MLYCD: variants seen among roughly 807,000 people sequenced by gnomAD.
The protein encoded by MLYCD is malonyl-CoA decarboxylase.
MLYCD carries 27 observed loss-of-function variants against 35.8 expected under a neutral mutation model. The ratio of observed to expected loss-of-function variants is 0.75; its 90% CI spans 0.56 to 1.04. MLYCD has a LOEUF of 1.04. Among genes scored for constraint, MLYCD ranks in the 50% least tolerant of loss-of-function variants. MLYCD has a pLI of 0.00. For missense variants in MLYCD, 917 were observed against 665.1 expected, an observed-to-expected ratio of 1.38 and a Z score of -4.17; for synonymous variants, 403 against 302.4, an observed-to-expected ratio of 1.33 and a Z score of -3.45.
In MLYCD at chr16:83,917,068, G is replaced by C. The variant is rs573263132; in HGVS notation, c.*1579G>C. 6.0e-5 allele frequency: 3 copies of C among 50,404 alleles called. No homozygotes were observed. Among genetic ancestry groups the C allele is most frequent in the African/African-American group, 2.1e-4 (3 of 14,630 alleles). 3.1% of individuals were successfully genotyped at this position (50,404 alleles called of 1,614,324 possible). A position where few individuals can be genotyped will look rare whatever the true frequency, so the allele number is the denominator to read the frequency against. ...AGCGTCTCTGTGTGGATCAGTGCAC[G>C]TCTGTGTGCGTGTGCACGAGCGTCT... On this transcript the variant is annotated 3_prime_UTR_variant, in exon 5 of 5. Transcript: ENST00000262430.
chr16:83,916,766 G>A lies in MLYCD; in HGVS notation c.*1277G>A, dbSNP rs534369198. ...AGCGTCTCTGTGTGGATCAGTGCAC[G>A]TCTGTGTGCATGTGCACGAGCGTTC... On this transcript the variant is annotated 3_prime_UTR_variant, in exon 5 of 5. Transcript: ENST00000262430. The A allele has an allele frequency of 9.8e-5, 13 of 132,178 alleles. No individual in the cohort carries two copies. The highest frequency in any genetic ancestry group is 3.2e-4 in the African/African-American group (11 of 34,160). The allele number at this position is 132,178 out of a possible 1,614,324, so 8.2% of individuals were successfully genotyped here. A position where few individuals can be genotyped will look rare whatever the true frequency, so the allele number is the denominator to read the frequency against.
chr16:83,920,906 A>G lies in MLYCD; in HGVS notation c.*5417A>G, dbSNP rs1283779062. 1 of 116,496 alleles carries G rather than the reference A, an allele frequency of 8.6e-6. No individual in the cohort carries two copies. Among genetic ancestry groups the G allele is most frequent in the African/African-American group, 3.3e-5 (1 of 30,308 alleles). 7.2% of individuals were successfully genotyped at this position (116,496 alleles called of 1,614,324 possible). A position where few individuals can be genotyped will look rare whatever the true frequency, so the allele number is the denominator to read the frequency against. ...GGATGGATGGAAGGAAGGAAGATGG[A>G]TGGATGGATGGATGGATGGATGGAT... On this transcript the variant is annotated 3_prime_UTR_variant, in exon 5 of 5. Transcript: ENST00000262430.
Position 83,920,932 on chromosome 16 carries a change from G to GGATGACA in MLYCD, c.*5447_*5448insACAGATG, listed in dbSNP as rs1555540229. 1.5e-3 allele frequency: 222 copies of GGATGACA among 150,862 alleles called. No homozygotes were observed. The highest frequency in any genetic ancestry group is 4.9e-3 in the African/African-American group (202 of 40,890). 9.3% of individuals were successfully genotyped at this position (150,862 alleles called of 1,614,324 possible). A position where few individuals can be genotyped will look rare whatever the true frequency, so the allele number is the denominator to read the frequency against. On this transcript the variant is annotated 3_prime_UTR_variant, in exon 5 of 5. Transcript: ENST00000262430. ...TGGATGGATGGATGGATGGATGGAT[G>GGATGACA]GATGGATGGATGACAGATGGATGGT...
At position 83,915,646 on chromosome 16, in the gene MLYCD, C is replaced by A; in HGVS notation, c.*157C>A. The A allele has an allele frequency of 6.6e-7, 1 of 1,512,106 alleles. No homozygotes were observed. Among genetic ancestry groups the A allele is most frequent in the Non-Finnish European group, 8.8e-7 (1 of 1,133,802 alleles). 93.7% of individuals were successfully genotyped at this position (1,512,106 alleles called of 1,614,324 possible). A position where few individuals can be genotyped will look rare whatever the true frequency, so the allele number is the denominator to read the frequency against. Reference sequence around the variant, plus strand: ...TCCACACTGTGAGGCCAGGCCTCAACTTCCCTCACCCTGGGCGTGACATGC... The same window carrying A: ...TCCACACTGTGAGGCCAGGCCTCAAATTCCCTCACCCTGGGCGTGACATGC... On this transcript the variant is annotated 3_prime_UTR_variant, in exon 5 of 5. Transcript: ENST00000262430.
At chr16:83,912,927 CAT>C (rs1363386483) in intron 4 of MLYCD, 1 of 180,664 alleles carries the variant, frequency 5.5e-6, no homozygotes, top group African/African-American at 2.4e-5. Context: ...CTGTGAAAAA[CAT>C]ATTAACCATC....
chr16:83,901,023 A>G (rs991659409), intron 1 of MLYCD, among the ~76,000 whole-genome samples: 32 of 152,228 alleles, frequency 2.1e-4, no homozygotes, highest in Admixed American at 1.3e-4. Context: ...AAAATTGGGC[A>G]TAATTAAGTA....
intron 1 of MLYCD, among the ~76,000 whole-genome samples, chr16:83,906,517 G>A (rs1309505451): frequency 2.0e-5 from 3 of 152,224 alleles, no homozygotes; most frequent in Admixed American, 6.5e-5. Context: ...CCTGAACCAA[G>A]TACTTGTCTT....
chr16:83,910,850 C>T (rs542204024), intron 3 of MLYCD, among the ~76,000 whole-genome samples: 1 of 152,224 alleles, frequency 6.6e-6, no homozygotes, highest in South Asian at 2.1e-4. Context: ...CTCCCCCTTT[C>T]CTCACAGCAG....
rs780790973 is a variant in MLYCD, at chr16:83,923,228, G to A, written c.*7739G>A. On this transcript the variant is annotated 3_prime_UTR_variant, in exon 5 of 5. Transcript: ENST00000262430. ...AGAAGTGAGGGAATCTCAGTGCTCT[G>A]TGCAGGCATGTGCTTATTCTGAGCT... is the stretch of plus-strand genomic sequence containing the variant. 6.6e-6 allele frequency: 1 copy of A among 152,254 alleles called. No homozygotes were observed. Among genetic ancestry groups the A allele is most frequent in the Non-Finnish European group, 1.5e-5 (1 of 68,058 alleles). The allele number at this position is 152,254 out of a possible 1,614,324, so 9.4% of individuals were successfully genotyped here.
In MLYCD at chr16:83,919,727, C is replaced by CAGACCACACGGGGCACAGG. The variant is rs1907583562; in HGVS notation, c.*4241_*4242insCCACACGGGGCACAGGAGA. 1 of 135,316 alleles carries CAGACCACACGGGGCACAGG rather than the reference C, an allele frequency of 7.4e-6. No individual in the cohort carries two copies. The highest frequency in any genetic ancestry group is 3.6e-5 in the African/African-American group (1 of 27,916). 8.4% of individuals were successfully genotyped at this position (135,316 alleles called of 1,614,324 possible). On this transcript the variant is annotated 3_prime_UTR_variant, in exon 5 of 5. Coordinates refer to ENST00000262430, the MANE Select transcript of MLYCD (RefSeq NM_012213.3). ...GGGGCACAGGAGAACACACAGTGCA[C>CAGACCACACGGGGCACAGG]AGAACACACAGTGCACAGAACACAC... is the stretch of plus-strand genomic sequence containing the variant.
intron 4 of MLYCD, chr16:83,913,507 C>G (rs911088161): frequency 1.3e-5 from 2 of 152,324 alleles, no homozygotes; most frequent in South Asian, 2.1e-4. Flanking sequence ...AATGGCCCCT[C>G]TGCGTGGAGG....
chr16:83,900,825 AAC>A (rs1412063228), intron 1 of MLYCD, among the ~76,000 whole-genome samples: 26 of 152,308 alleles, frequency 1.7e-4, no homozygotes, highest in African/African-American at 6.0e-4. Context: ...CGTGGGTGAT[AAC>A]ACGTATCCCT....
chr16:83,904,738 A>G (rs780877393), intron 1 of MLYCD, among the ~76,000 whole-genome samples: 6 of 152,212 alleles, frequency 3.9e-5, no homozygotes, highest in African/African-American at 1.2e-4. Context: ...TCCGTTTTCA[A>G]ACAGCTCCGT....
chr16:83,911,281 A>G (rs568242650), intron 3 of MLYCD, among the ~76,000 whole-genome samples: 1 of 152,358 alleles, frequency 6.6e-6, no homozygotes, highest in Non-Finnish European at 1.5e-5. Context: ...CCCGGCCTCC[A>G]TACAATTTCA....
Position 83,899,166 on chromosome 16 carries a change from T to C in MLYCD, c.22T>C (p.Leu8=), listed in dbSNP as rs1269451886. 4 of 1,161,488 alleles carry C rather than the reference T, an allele frequency of 3.4e-6. No homozygotes were observed. The highest frequency in any genetic ancestry group is 3.3e-5 in the African/African-American group (2 of 60,912). 71.9% of individuals were successfully genotyped at this position (1,161,488 alleles called of 1,614,324 possible). A position where few individuals can be genotyped will look rare whatever the true frequency, so the allele number is the denominator to read the frequency against. Residue 8 remains leucine, a synonymous_variant, in exon 1 of 5, where the codon TTG becomes CTG. Transcript: ENST00000262430. MRGFGPG[L]TARRLLPLRL... ...CACCATGCGAGGCTTCGGGCCAGGC[T>C]TGACGGCCAGGCGTCTCCTCCCGCT...
In MLYCD at chr16:83,907,019, A is replaced by G. The variant is rs1459488148; in HGVS notation, c.561A>G (p.Ser187=). 1.9e-6 allele frequency: 3 copies of G among 1,614,190 alleles called. No individual in the cohort carries two copies. The highest frequency in any genetic ancestry group is 4.5e-5 in the East Asian group (2 of 44,866). The change falls in exon 2 of 5, where the codon TCA becomes TCG. Residue 187 remains serine (S), a synonymous_variant. Transcript: ENST00000262430. Reference sequence around the variant, plus strand: ...ATGGGGTGCTGAAAGGAATGCTCTCAGAATGGTTTTCCTCCGGGTTCCTGA... The same window carrying G: ...ATGGGGTGCTGAAAGGAATGCTCTCGGAATGGTTTTCCTCCGGGTTCCTGA... ...EMNGVLKGML[S]EWFSSGFLNL...
At chr16:83,908,347 T>C (rs1346247484) in intron 3 of MLYCD, 65 bp downstream of exon 3, 2 of 1,567,678 alleles carry the variant, frequency 1.3e-6, no homozygotes, top group East Asian at 2.2e-5. Flanking sequence ...TTTTTTGTTT[T>C]GTTTTGTTTT....
At chr16:83,901,780 A>G (rs1016056375) in intron 1 of MLYCD, among the ~76,000 whole-genome samples, 4 of 152,248 alleles carry the variant, frequency 2.6e-5, no homozygotes, top group African/African-American at 9.6e-5. Context: ...GAGGCTGCTG[A>G]GTCCTTAGAC....
rs1263135101 is a variant in MLYCD at position 83,925,302 on chromosome 16, A to G, written c.*9813A>G. 6.6e-6 allele frequency: 1 copy of G among 152,064 alleles called. No homozygotes were observed. The highest frequency in any genetic ancestry group is 2.4e-5 in the African/African-American group (1 of 41,248). 9.4% of individuals were successfully genotyped at this position (152,064 alleles called of 1,614,324 possible). On this transcript the variant is annotated 3_prime_UTR_variant, in exon 5 of 5. Transcript: ENST00000262430. Reference sequence around the variant, plus strand: ...TTCCTTCCTGGCGAGGCCACCTCCAACTGTGTAACACAGAAGCCTGGGTGC... The same window carrying G: ...TTCCTTCCTGGCGAGGCCACCTCCAGCTGTGTAACACAGAAGCCTGGGTGC...
Sources: allele counts gnomAD v4.1 joint callset (sites outside exome capture counted in the v4.1 genomes callset), GRCh38; gene constraint gnomAD v4.1.1; transcripts MANE v1.5; gene names NCBI Gene and HGNC (gene_info 2026-07-23, HGNC 2026-07-21).